TMEM135: variants seen among roughly 807,000 people sequenced by gnomAD.
TMEM135 encodes transmembrane protein 135.
In TMEM135, 30 loss-of-function variants were observed where a neutral mutation model predicts 60.3. The observed-to-expected ratio is 0.50, with a 90% confidence interval of 0.37 to 0.68. The LOEUF (loss-of-function observed/expected upper bound fraction) is 0.68, where lower values mean the gene tolerates loss of function less well. Ranked by LOEUF, TMEM135 falls within the 30% of genes least tolerant of loss-of-function variation. The pLI, the probability that TMEM135 is intolerant of heterozygous loss-of-function variation, is 0.00. For missense variants in TMEM135, 468 were observed against 548.8 expected (o/e 0.85, Z 1.47); for synonymous variants, 190 against 186.7 (o/e 1.02, Z -0.14).
intron 1 of TMEM135, among the ~76,000 whole-genome samples, chr11:87,041,912 G>A (rs1028408633): frequency 6.6e-6 from 1 of 152,206 alleles, no homozygotes; most frequent in African/African-American, 2.4e-5. Flanking sequence ...ATACTTCTAG[G>A]TTGTCAAGTC....
chr11:87,107,021 A>C (rs1403360144), intron 4 of TMEM135, among the ~76,000 whole-genome samples: 1 of 152,206 alleles, frequency 6.6e-6, no homozygotes, highest in Non-Finnish European at 1.5e-5. Context: ...ACTCGCTATC[A>C]CGAAGACAGC....
At chr11:87,038,858 A>G (rs1949727556) in intron 1 of TMEM135, among the ~76,000 whole-genome samples, 1 of 152,086 alleles carries the variant, frequency 6.6e-6, no homozygotes, top group African/African-American at 2.4e-5. Flanking sequence ...CTGTTACACA[A>G]CTTTACATAC....
At chr11:87,284,719 T>C (rs947180395) in intron 6 of TMEM135, among the ~76,000 whole-genome samples, 4 of 152,254 alleles carry the variant, frequency 2.6e-5, no homozygotes, top group Non-Finnish European at 4.4e-5. Context: ...AGGAATTCTA[T>C]TGGAAGTTAT....
rs139683230 is a variant in TMEM135 at position 87,134,876 on chromosome 11, A to G, written c.397-22465A>G. On this transcript the variant is annotated intron_variant, in intron 4 of 14. Coordinates refer to ENST00000305494, the MANE Select transcript of TMEM135 (RefSeq NM_022918.4). Reference sequence around the variant, plus strand: ...CATGCTGGCATTGTGTGAGAGTTCTAGTTGCCCTACATCTATGCTAACACT... The same window carrying G: ...CATGCTGGCATTGTGTGAGAGTTCTGGTTGCCCTACATCTATGCTAACACT... Among the ~76,000 whole-genome samples, 478 of 152,322 alleles carry G rather than the reference A, an allele frequency of 3.1e-3. 10 individuals carry two copies. The highest frequency in any genetic ancestry group is 5.9e-4 in the Non-Finnish European group (40 of 68,042).
chr11:87,170,556 G>A lies in TMEM135; in HGVS notation c.462+13150G>A, dbSNP rs373142067. 8.5e-5 allele frequency among the ~76,000 whole-genome samples: 13 copies of A among 152,252 alleles called. 1 individual carries two copies. Among genetic ancestry groups the A allele is most frequent in the South Asian group, 2.1e-4 (1 of 4,818 alleles). ...TAACAGTCAGGCCCCTATGCTGCAG[G>A]TCTGTTGGAGTTTGCTGGAAGTCTA... is the stretch of plus-strand genomic sequence containing the variant. On this transcript the variant is annotated intron_variant, in intron 5 of 14. Transcript: ENST00000305494.
At chr11:87,272,824 A>G (rs1248185987) in intron 6 of TMEM135, among the ~76,000 whole-genome samples, 1 of 152,076 alleles carries the variant, frequency 6.6e-6, no homozygotes, top group Non-Finnish European at 1.5e-5. Context: ...TTTTATTTTT[A>G]ATTGTTACAA....
intron 6 of TMEM135, among the ~76,000 whole-genome samples, chr11:87,280,585 C>T (rs1942043803): frequency 6.6e-6 from 1 of 151,988 alleles, no homozygotes; most frequent in African/African-American, 2.4e-5. Context: ...GAACAGCCTT[C>T]ATGACACCAA....
intron 3 of TMEM135, among the ~76,000 whole-genome samples, chr11:87,088,618 A>G (rs1470492239): frequency 6.6e-6 from 1 of 152,230 alleles, no homozygotes; most frequent in Non-Finnish European, 1.5e-5. Context: ...AGTTCGGTCT[A>G]TTCAGTTAAC....
intron 4 of TMEM135, among the ~76,000 whole-genome samples, chr11:87,111,660 A>AAAAAG (rs542411223): frequency 1.8e-5 from 1 of 55,212 alleles, no homozygotes; most frequent in Non-Finnish European, 3.0e-5. Flanking sequence ...CAAAAAAAAA[A>AAAAAG]AAAAAAAAAA....
intron 5 of TMEM135, among the ~76,000 whole-genome samples, chr11:87,228,195 A>G (rs988751981): frequency 6.6e-6 from 1 of 152,160 alleles, no homozygotes; most frequent in Non-Finnish European, 1.5e-5. Flanking sequence ...CAGGGCAACA[A>G]GAATCAAGTA....
chr11:87,245,761 G>T (rs1197324116), intron 6 of TMEM135, among the ~76,000 whole-genome samples: 6 of 114,748 alleles, frequency 5.2e-5, no homozygotes, highest in Non-Finnish European at 3.8e-5. Flanking sequence ...ACTTGAGATG[G>T]GTTTCCTGAG....
rs144715854 is a variant in TMEM135, at chr11:87,148,085, A to G, written c.397-9256A>G. 7.6e-3 allele frequency among the ~76,000 whole-genome samples: 1,154 copies of G among 152,314 alleles called. 13 individuals are homozygous for G. Among genetic ancestry groups the G allele is most frequent in the Non-Finnish European group, 9.8e-3 (664 of 68,020 alleles). ...ACTTATTTTTAAACAAAGACATTGT[A>G]GACAGTTATTTCCCTCTGTCACTGA... On this transcript the variant is annotated intron_variant, in intron 4 of 14. Transcript: ENST00000305494.
intron 6 of TMEM135, among the ~76,000 whole-genome samples, chr11:87,291,303 A>G (rs560413625): frequency 6.6e-6 from 1 of 152,124 alleles, no homozygotes; most frequent in Admixed American, 6.6e-5. Context: ...TGGCCGTATT[A>G]TCCTTCCGTT....
At chr11:87,296,301 C>T (rs927959094) in intron 7 of TMEM135, among the ~76,000 whole-genome samples, 2 of 152,088 alleles carry the variant, frequency 1.3e-5, no homozygotes, top group Non-Finnish European at 2.9e-5. Flanking sequence ...TAGAAATGTT[C>T]GTTAGCATTA....
intron 3 of TMEM135, among the ~76,000 whole-genome samples, chr11:87,085,065 G>T (rs1295815463): frequency 6.6e-6 from 1 of 152,172 alleles, no homozygotes; most frequent in Non-Finnish European, 1.5e-5. Flanking sequence ...CAATAAATTG[G>T]CATTTAATTG....
chr11:87,246,006 T>A (rs1229635804), intron 6 of TMEM135, among the ~76,000 whole-genome samples: 5 of 145,526 alleles, frequency 3.4e-5, no homozygotes, highest in East Asian at 3.9e-4. Context: ...TGCCTTTCCA[T>A]GTTTAGTGCT....
At chr11:87,135,667 G>T (rs1938077028) in intron 4 of TMEM135, among the ~76,000 whole-genome samples, 1 of 151,994 alleles carries the variant, frequency 6.6e-6, no homozygotes, top group Admixed American at 6.5e-5. Context: ...TAGCAGTCAT[G>T]TAGTATTAGT....
chr11:87,118,914 A>G (rs752609759), intron 4 of TMEM135, among the ~76,000 whole-genome samples: 1 of 152,050 alleles, frequency 6.6e-6, no homozygotes, highest in South Asian at 2.1e-4. Context: ...CTTGCTCTGG[A>G]TTAGGTTTTG....
intron 4 of TMEM135, among the ~76,000 whole-genome samples, chr11:87,117,303 A>G (rs891390181): frequency 6.6e-6 from 1 of 152,188 alleles, no homozygotes; most frequent in Non-Finnish European, 1.5e-5. Flanking sequence ...ATTTTTTAAT[A>G]TAAGACAACA....
Sources: gnomAD v4.1 joint callset for allele counts (sites outside exome capture counted in the v4.1 genomes callset) on GRCh38, gnomAD v4.1.1 for gene constraint, MANE v1.5 for transcripts, NCBI Gene and HGNC (gene_info 2026-07-23, HGNC 2026-07-21) for gene names.